The following FBXL2 variants were observed in gnomAD, a reference collection of about 807,000 sequenced individuals.
FBXL2 encodes the protein F-box and leucine rich repeat protein 2.
In FBXL2, 38 loss-of-function variants were observed where a neutral mutation model predicts 69.2. That is an observed-to-expected ratio of 0.55 (90% CI 0.42 to 0.72). FBXL2 has a LOEUF of 0.72. Ranked by LOEUF, FBXL2 falls within the 30% of genes least tolerant of loss-of-function variation. The pLI is 0.00. For missense variants in FBXL2, 354 were observed against 520.3 expected, an observed-to-expected ratio of 0.68 and a Z score of 3.11; for synonymous variants, 192 against 201.3, an observed-to-expected ratio of 0.95 and a Z score of 0.39.
chr3:33,343,223 G>A (rs1377792919), intron 2 of FBXL2, among the ~76,000 whole-genome samples: 15 of 151,882 alleles, frequency 9.9e-5, no homozygotes. Flanking sequence ...TGTAGGTCTA[G>A]TTCTAACATG....
At chr3:33,396,930 CGAT>C (rs1394839555) in intron 12 of FBXL2, 3 of 929,438 alleles carry the variant, frequency 3.2e-6, no homozygotes, top group Non-Finnish European at 5.2e-6. Context: ...TGCCAATGCT[CGAT>C]GGCGCACACA....
At chr3:33,367,497 A>G (rs1427048677) in intron 5 of FBXL2, among the ~76,000 whole-genome samples, 3 of 152,074 alleles carry the variant, frequency 2.0e-5, no homozygotes, top group Non-Finnish European at 4.4e-5. Context: ...ACTTATTAGC[A>G]TTAAGTTGTT....
chr3:33,403,580 G>GTTGTCTATCTA, exon 13 of FBXL2: 1 of 147,156 alleles, frequency 6.8e-6, no homozygotes, highest in African/African-American at 2.6e-5. Context: ...CTGTCTGTCT[G>GTTGTCTATCTA]TCTGTCTATC....
intron 5 of FBXL2, among the ~76,000 whole-genome samples, chr3:33,367,671 C>A (rs891860847): frequency 6.6e-6 from 1 of 151,688 alleles, no homozygotes; most frequent in Admixed American, 6.6e-5. Flanking sequence ...TTTGTTTTCA[C>A]CCATTTTTCA....
chr3:33,289,542 A>C (rs2035013024), intron 1 of FBXL2: 1 of 153,842 alleles, frequency 6.5e-6, no homozygotes, highest in Middle Eastern at 3.3e-3. Flanking sequence ...AGAGAAAAAA[A>C]AAAGAGATAC....
At chr3:33,400,944 T>C in intron 12 of FBXL2, 1 of 1,591,714 alleles carries the variant, frequency 6.3e-7, no homozygotes, top group Non-Finnish European at 8.5e-7. Context: ...CAGATAGTTT[T>C]AGGAGAAAGA....
chr3:33,405,214 A>T (rs1274310963), downstream of FBXL2, among the ~76,000 whole-genome samples: 1 of 152,226 alleles, frequency 6.6e-6, no homozygotes, highest in Non-Finnish European at 1.5e-5. Context: ...ATTTTCAGGC[A>T]TAAAACTATG....
chr3:33,294,561 A>G (rs960163180), intron 1 of FBXL2, among the ~76,000 whole-genome samples: 3 of 152,244 alleles, frequency 2.0e-5, no homozygotes, highest in Non-Finnish European at 4.4e-5. Context: ...AAGAAAGGCC[A>G]GGCACAGTGC....
chr3:33,358,113 C>G (rs961202472), intron 2 of FBXL2, among the ~76,000 whole-genome samples: 11 of 152,188 alleles, frequency 7.2e-5, no homozygotes, highest in Non-Finnish European at 8.8e-5. Context: ...CCACTCTCCC[C>G]CTTCCACACT....
chr3:33,328,785 A>C (rs62252094), intron 2 of FBXL2, among the ~76,000 whole-genome samples: 39 of 145,478 alleles, frequency 2.7e-4, no homozygotes, highest in Non-Finnish European at 5.5e-4. Flanking sequence ...TGGTTTGGGC[A>C]AATTTGTGTG....
At chr3:33,396,802 A>G (rs757281149) in intron 12 of FBXL2, 1 of 656,094 alleles carries the variant, frequency 1.5e-6, no homozygotes, top group Non-Finnish European at 2.8e-6. Flanking sequence ...AGAAATCAGT[A>G]CTGCCCATGT....
chr3:33,388,779 T>C (rs188720700), downstream of FBXL2: 13 of 152,338 alleles, frequency 8.5e-5, no homozygotes, highest in East Asian at 1.9e-4. Flanking sequence ...ATGATGAAAA[T>C]AGATCGTGCT....
chr3:33,392,914 C>T, downstream of FBXL2: 1 of 355,480 alleles, frequency 2.8e-6, no homozygotes, highest in South Asian at 8.2e-5. Context: ...AAGTGCTCTT[C>T]TATTATTACT....
intron 5 of FBXL2, among the ~76,000 whole-genome samples, chr3:33,368,675 C>T (rs2042103664): frequency 6.6e-6 from 1 of 151,884 alleles, no homozygotes; most frequent in Non-Finnish European, 1.5e-5. Context: ...ACTGCAGCCT[C>T]TGCCTCCTGA....
At chr3:33,369,976 C>G (rs1308185364) in intron 5 of FBXL2, among the ~76,000 whole-genome samples, 3 of 152,136 alleles carry the variant, frequency 2.0e-5, no homozygotes, top group Admixed American at 1.3e-4. Flanking sequence ...TCCAGTCATT[C>G]CTTTCTGTAG....
chr3:33,282,909 CT>C (rs1425310385), intron 1 of FBXL2, among the ~76,000 whole-genome samples: 2 of 152,184 alleles, frequency 1.3e-5, no homozygotes, highest in Non-Finnish European at 2.9e-5. Flanking sequence ...TATCCTGAGA[CT>C]TTGCTGAAGT....
intron 2 of FBXL2, among the ~76,000 whole-genome samples, chr3:33,301,121 A>G (rs925772238): frequency 6.6e-6 from 1 of 152,084 alleles, no homozygotes; most frequent in Non-Finnish European, 1.5e-5. Context: ...CCCCCACCTC[A>G]TGAAGCTTAA....
the FBXL2 span, among the ~76,000 whole-genome samples, chr3:33,412,186 CA>C: frequency 0.3 from 18,897 of 63,490 alleles, 1,084 homozygotes; most frequent in East Asian, 0.47. Flanking sequence ...AACTCCGTCT[CA>C]AAAAAAAAAA....
chr3:33,345,635 A>G (rs746397208), intron 2 of FBXL2, among the ~76,000 whole-genome samples: 1 of 152,242 alleles, frequency 6.6e-6, no homozygotes, highest in South Asian at 2.1e-4. Flanking sequence ...ATTCACCAAG[A>G]TAGACCACAT....
Sources: allele counts gnomAD v4.1 joint callset (sites outside exome capture counted in the v4.1 genomes callset), GRCh38; gene constraint gnomAD v4.1.1; transcripts MANE v1.5; gene names NCBI Gene and HGNC (gene_info 2026-07-23, HGNC 2026-07-21).